RYR1: variants seen among roughly 807,000 people sequenced by gnomAD.
The protein encoded by RYR1 is ryanodine receptor 1.
In RYR1, 342 loss-of-function variants were observed where a neutral mutation model predicts 583.5. The observed-to-expected ratio is 0.59, with a 90% CI of 0.54 to 0.64. RYR1 has a LOEUF of 0.64. Among genes scored for constraint, RYR1 ranks in the 30% least tolerant of loss-of-function variants. The probability of loss-of-function intolerance (pLI) is 0.00; values close to 1 mark genes in which losing one functional copy is unlikely to be tolerated. For synonymous variants in RYR1, 2,791 were observed against 2,822.5 expected, an observed-to-expected ratio of 0.99 and a Z score of 0.35; for missense variants, 6,032 against 6,917.2, an observed-to-expected ratio of 0.87 and a Z score of 4.54.
Position 38,568,353 on chromosome 19 carries a change from C to T in RYR1, c.13659+436C>T, listed in dbSNP as rs373917758. Among the ~76,000 whole-genome samples the T allele has an allele frequency of 9.0e-4, 137 of 152,240 alleles. 1 individual carries two copies. The highest frequency in any genetic ancestry group is 3.1e-3 in the African/African-American group (127 of 41,558). On this transcript the variant is annotated intron_variant, in intron 93 of 105. Coordinates refer to ENST00000359596, the MANE Select transcript of RYR1 (RefSeq NM_000540.3). ...CCAATTCCTGGGGAAGCGTTCATCT[C>T]ATCCAGGCCAGGAAGAAGGGTGGGT...
chr19:38,485,763 C>T lies in RYR1; in HGVS notation c.5108C>T (p.Pro1703Leu). 7 of 1,613,196 alleles carry T rather than the reference C, an allele frequency of 4.3e-6. No homozygotes were observed. Among genetic ancestry groups the T allele is most frequent in the Non-Finnish European group, 5.9e-6 (7 of 1,179,968 alleles). ...CACGCCCTGGAGGACGCGCACCTGC[C>T]AGGCCCACTGCGCGCAGGCTACTAT... ...LLHALEDAHL[P>L]GPLRAGYYDL... is the part of the protein sequence containing the mutation. Residue 1703 changes from proline to leucine, a missense_variant, in exon 34 of 106, where the codon CCA (proline) becomes CTA (leucine). By Grantham distance (98) the Pro-to-Leu change is moderately conservative. Transcript: ENST00000359596.
intron 49 of RYR1, among the ~76,000 whole-genome samples, chr19:38,503,174 T>G (rs1394833184): frequency 6.6e-6 from 1 of 152,174 alleles, no homozygotes; most frequent in East Asian, 1.9e-4. Context: ...CATTGATGCC[T>G]CTAGCGTTCC....
chr19:38,520,693 CAAAAAA>C (rs71165555), intron 67 of RYR1, among the ~76,000 whole-genome samples: 8 of 46,884 alleles, frequency 1.7e-4, no homozygotes, highest in East Asian at 1.3e-3. Context: ...GGCTCCACCT[CAAAAAA>C]AAAAAAAAAA....
At position 38,578,015 on chromosome 19, in the gene RYR1, G is replaced by A. The variant is rs768360593; in HGVS notation, c.14270G>A (p.Arg4757His). 268 of 1,614,002 alleles carry A rather than the reference G, an allele frequency of 1.7e-4. No individual in the cohort carries two copies. Among genetic ancestry groups the A allele is most frequent in the Middle Eastern group, 6.6e-4 (4 of 6,084 alleles). Residue 4757 changes from arginine to histidine, a missense_variant, in exon 98 of 106, where the codon CGC (arginine) becomes CAC (histidine). By Grantham distance (29) the Arg-to-His change is conservative. Around this residue, in one of 11 missense-constraint regions of RYR1, gnomAD observed 188 missense variants for 215.6 expected, o/e 0.87. Coordinates refer to ENST00000359596, the MANE Select transcript of RYR1 (RefSeq NM_000540.3). ...CTAGAGATCACAGCCCACAATGAGC[G>A]CAAGCCCAACCCGCCGCCAGGGCTG... ...ATLEITAHNE[R>H]KPNPPPGLLT...
At chr19:38,570,934 C>A (rs1354610751) in intron 94 of RYR1, among the ~76,000 whole-genome samples, 1 of 152,240 alleles carries the variant, frequency 6.6e-6, no homozygotes, top group Non-Finnish European at 1.5e-5. Context: ...AGAGCAGGAG[C>A]AGGAGCTGAG....
rs45555835 is a variant in RYR1 at position 38,543,682 on chromosome 19, G to A, written c.11907+22G>A. The A allele has an allele frequency of 0.046, 73,556 of 1,612,706 alleles. 1,990 individuals carry two copies. The highest frequency in any genetic ancestry group is 0.078 in the Middle Eastern group (471 of 6,060). ...CCAGGTAGGGCGCTCCCCCTGGGGC[G>A]GGAGTGGGAAGGGAGGGGGTCCCGC... On this transcript the variant is annotated intron_variant, in intron 86 of 105. Transcript: ENST00000359596. This position sits in a 1 kb window ranked among gnomAD's most constrained non-coding sequence, Gnocchi z 4.4.
In RYR1 at chr19:38,463,448, G is replaced by T. The variant is rs750938678; in HGVS notation, c.2603G>T (p.Arg868Leu). 1.9e-6 allele frequency: 3 copies of T among 1,613,936 alleles called. No individual in the cohort carries two copies. In the South Asian group the frequency reaches 3.3e-5, roughly 18 times the overall value. ...ATTGTCCTGCCGCCCCATCTGGAGC[G>T]CATTCGGGAGAAGCTGGCGGAGAAC... ...VQIVLPPHLE[R>L]IREKLAENIH... is the part of the protein sequence containing the mutation. Residue 868 changes from arginine (R) to leucine (L), a missense_variant, in exon 21 of 106, where the codon CGC becomes CTC. Arg to Leu is a moderately radical substitution (Grantham distance 102, BLOSUM62 -2). Transcript: ENST00000359596.
At chr19:38,554,082 A>G (rs945140983) in intron 89 of RYR1, among the ~76,000 whole-genome samples, 1 of 152,148 alleles carries the variant, frequency 6.6e-6, no homozygotes, top group African/African-American at 2.4e-5. Context: ...CATTTATACC[A>G]CAGACATTTT....
rs750239192 is a variant in RYR1 at position 38,517,418 on chromosome 19, C to G, written c.9745C>G (p.Leu3249Val). 1 of 1,614,118 alleles carries G rather than the reference C, an allele frequency of 6.2e-7. No homozygotes were observed. The highest frequency in any genetic ancestry group is 1.1e-5 in the South Asian group (1 of 91,084). The stretch of plus-strand genomic sequence containing the variant: ...TCCCGACATCCCGGTGCTGGAGCGG[C>G]TCATGGCAGACATTGGGGGGCTGGC... ...MCPDIPVLER[L>V]MADIGGLAES... Residue 3249 changes from leucine (L) to valine (V), a missense_variant, in exon 66 of 106, where the codon CTC becomes GTC. Around this residue, in one of 11 missense-constraint regions of RYR1, gnomAD observed 1,493 missense variants for 1,715.5 expected, o/e 0.87. Coordinates refer to ENST00000359596, the MANE Select transcript of RYR1 (RefSeq NM_000540.3).
intron 90 of RYR1, among the ~76,000 whole-genome samples, chr19:38,564,563 G>C (rs972738562): frequency 6.6e-6 from 1 of 151,810 alleles, no homozygotes; most frequent in Non-Finnish European, 1.5e-5. Flanking sequence ...TGTTGCCCAG[G>C]CTGGAGTGCA....
At chr19:38,493,349 C>CA (rs1038554382) in intron 38 of RYR1, among the ~76,000 whole-genome samples, 1 of 152,170 alleles carries the variant, frequency 6.6e-6, no homozygotes, top group Non-Finnish European at 1.5e-5. Flanking sequence ...CCACATCTAA[C>CA]AAGGACAGAT....
In RYR1 at chr19:38,585,083, G is replaced by C; in HGVS notation, c.14787G>C (p.Leu4929=). Residue 4929 remains leucine (L), a synonymous_variant, in exon 102 of 106, where the codon CTG becomes CTC. Transcript: ENST00000359596. ...ITFFFFVIVI[L]LAIIQGLIID... ...TCTTCTTCTTCGTCATCGTCATCCT[G>C]TTGGCCATCATCCAGGGTCAGTGCT... 1 of 1,613,890 alleles carries C rather than the reference G, an allele frequency of 6.2e-7. No individual in the cohort carries two copies. The highest frequency in any genetic ancestry group is 8.5e-7 in the Non-Finnish European group (1 of 1,179,914).
At chr19:38,527,281 C>A (rs577496496) in intron 72 of RYR1, among the ~76,000 whole-genome samples, 1 of 152,044 alleles carries the variant, frequency 6.6e-6, no homozygotes, top group Non-Finnish European at 1.5e-5. Context: ...AAGGCCAAGG[C>A]GGGCAGATCA....
chr19:38,523,875 G>GGTAACCCTT (rs1568535858), intron 69 of RYR1, 40 bp from the exon 70 acceptor site: 1 of 1,613,928 alleles, frequency 6.2e-7, no homozygotes. Flanking sequence ...GCGGGGCTGG[G>GGTAACCCTT]GTAACCCTTC....
intron 31 of RYR1, among the ~76,000 whole-genome samples, chr19:38,480,550 G>A (rs2145515164): frequency 6.6e-6 from 1 of 151,996 alleles, no homozygotes; most frequent in East Asian, 1.9e-4. Context: ...AGCTTTAAAA[G>A]ATAAGGATGA....
At chr19:38,473,799 A>T in intron 28 of RYR1, 28 bp downstream of exon 28, 1 of 1,477,604 alleles carries the variant, frequency 6.8e-7, no homozygotes. Context: ...CAGAGTGGGG[A>T]TTGGGGGCTG....
chr19:38,547,108 C>T (rs1387057329), intron 88 of RYR1, among the ~76,000 whole-genome samples: 2 of 150,792 alleles, frequency 1.3e-5, no homozygotes, highest in African/African-American at 2.4e-5. Context: ...GGCGCGATCT[C>T]GGCTCACTGC....
At chr19:38,474,681 T>G (rs955788188) in intron 28 of RYR1, among the ~76,000 whole-genome samples, 1 of 149,284 alleles carries the variant, frequency 6.7e-6, no homozygotes, top group Non-Finnish European at 1.5e-5. Context: ...TTCAAGCAAT[T>G]CTCCTGCCTC....
intron 1 of RYR1, among the ~76,000 whole-genome samples, chr19:38,435,750 C>G (rs917765636): frequency 3.3e-5 from 5 of 151,982 alleles, no homozygotes; most frequent in Admixed American, 1.3e-4. Context: ...AACAAAAAAC[C>G]TTCTGGACCA....
Sources: allele counts gnomAD v4.1 joint callset (sites outside exome capture counted in the v4.1 genomes callset), GRCh38; gene constraint gnomAD v4.1.1; regional missense constraint gnomAD v4.1.1; non-coding constraint Gnocchi (gnomAD v3.1); transcripts MANE v1.5; gene names NCBI Gene and HGNC (gene_info 2026-07-23, HGNC 2026-07-21).